The following TBC1D14 variants were observed in gnomAD, a reference collection of about 807,000 sequenced individuals.
TBC1D14 encodes TBC1 domain family member 14.
Under a neutral mutation model 79.0 loss-of-function variants are expected in TBC1D14, and 26 were observed. The ratio of observed to expected loss-of-function variants is 0.33; its 90% CI spans 0.24 to 0.46. The LOEUF is 0.46. Among genes scored for constraint, TBC1D14 ranks in the 20% least tolerant of loss-of-function variants. TBC1D14 has a pLI of 1.00. For synonymous variants in TBC1D14, 394 were observed against 349.9 expected, an observed-to-expected ratio of 1.13 and a Z score of -1.40; for missense variants, 769 against 887.6, an observed-to-expected ratio of 0.87 and a Z score of 1.70.
In TBC1D14 at chr4:7,030,719, A is replaced by T. The variant is rs752139072; in HGVS notation, c.*327A>T. ...ATTAAATTGTAATGTTTCTATGTCA[A>T]CTACTGGGAAGTATGTTACAGTCTT... On this transcript the variant is annotated 3_prime_UTR_variant, in exon 14 of 14. Transcript: ENST00000409757. The T allele has an allele frequency of 8.5e-6, 2 of 234,710 alleles. No individual in the cohort carries two copies. The highest frequency in any genetic ancestry group is 1.8e-5 in the Non-Finnish European group (2 of 113,438). 14.5% of individuals were successfully genotyped at this position (234,710 alleles called of 1,614,324 possible).
chr4:6,989,126 G>T (rs1332055432), intron 3 of TBC1D14, among the ~76,000 whole-genome samples: 1 of 151,898 alleles, frequency 6.6e-6, no homozygotes, highest in Non-Finnish European at 1.5e-5. Context: ...CTTTTCCCCC[G>T]CTTTTTAAAC....
intron 3 of TBC1D14, among the ~76,000 whole-genome samples, chr4:6,988,107 G>A (rs879907854): frequency 5.9e-5 from 9 of 152,172 alleles, no homozygotes; most frequent in Admixed American, 3.3e-4. Context: ...GACCTGTGCA[G>A]GCCATTCTTC....
intron 3 of TBC1D14, among the ~76,000 whole-genome samples, chr4:6,975,489 G>A (rs1308144232): frequency 5.9e-5 from 9 of 152,180 alleles, no homozygotes; most frequent in Non-Finnish European, 1.3e-4. Context: ...GGGATTACAG[G>A]TGTGAGCCAC....
chr4:6,983,284 A>T (rs899834662), intron 3 of TBC1D14, among the ~76,000 whole-genome samples: 1 of 151,978 alleles, frequency 6.6e-6, no homozygotes, highest in African/African-American at 2.4e-5. Context: ...TAAAATATAT[A>T]TATATATTTT....
intron 3 of TBC1D14, among the ~76,000 whole-genome samples, chr4:6,969,418 T>A (rs1716018649): frequency 6.6e-6 from 1 of 152,200 alleles, no homozygotes; most frequent in African/African-American, 2.4e-5. Context: ...TTTTTTTCTT[T>A]TTTTTGAGAC....
intron 1 of TBC1D14, among the ~76,000 whole-genome samples, chr4:6,918,771 A>G (rs1441436598): frequency 6.6e-6 from 1 of 152,170 alleles, no homozygotes; most frequent in South Asian, 2.1e-4. Flanking sequence ...AATTCTAATG[A>G]CCTTGACATT....
chr4:6,926,408 T>C (rs1010905397), intron 2 of TBC1D14, among the ~76,000 whole-genome samples: 2 of 152,234 alleles, frequency 1.3e-5, no homozygotes, highest in Non-Finnish European at 2.9e-5. Flanking sequence ...TCGTTGGTTA[T>C]GCAATTTCTA....
At chr4:6,955,381 C>T (rs371391426) in intron 2 of TBC1D14, among the ~76,000 whole-genome samples, 15 of 152,128 alleles carry the variant, frequency 9.9e-5, no homozygotes, top group African/African-American at 3.6e-4. Flanking sequence ...GTGTCCTGTC[C>T]GTACGGTGGC....
At chr4:6,920,189 C>T (rs1383721747) in intron 1 of TBC1D14, among the ~76,000 whole-genome samples, 2 of 152,140 alleles carry the variant, frequency 1.3e-5, no homozygotes, top group Non-Finnish European at 2.9e-5. Flanking sequence ...TTAATTCCTT[C>T]ACATTTCTAT....
At chr4:6,909,574 C>T (rs1485446125), upstream of TBC1D14, 1 of 151,722 alleles carries the variant, frequency 6.6e-6, no homozygotes, top group Non-Finnish European at 1.5e-5. Context: ...GGCAGCTCCT[C>T]GCCACTCCGG....
chr4:6,984,438 A>G (rs1717643245), intron 3 of TBC1D14, among the ~76,000 whole-genome samples: 1 of 152,094 alleles, frequency 6.6e-6, no homozygotes, highest in Admixed American at 6.5e-5. Flanking sequence ...AACAGACCCA[A>G]AAAACAACCT....
chr4:6,953,473 T>A (rs77412390), intron 2 of TBC1D14, among the ~76,000 whole-genome samples: 60 of 108,370 alleles, frequency 5.5e-4, no homozygotes, highest in African/African-American at 7.7e-4. Flanking sequence ...AAAAAAAAAA[T>A]ACAAAAAATT....
Position 6,996,414 on chromosome 4 carries a change from G to A in TBC1D14, c.1045+7G>A. ...GTTCAGGCCAAAAAGCGAGGTAATG[G>A]GGTTCACACTTGATGGGTTAAATCA... On this transcript the variant is annotated splice_region_variant and intron_variant, in intron 5 of 13. Coordinates refer to ENST00000409757, the MANE Select transcript of TBC1D14 (RefSeq NM_020773.3). The A allele has an allele frequency of 6.2e-7, 1 of 1,609,426 alleles. No individual in the cohort carries two copies. Among genetic ancestry groups the A allele is most frequent in the Non-Finnish European group, 8.5e-7 (1 of 1,175,974 alleles).
intron 12 of TBC1D14, among the ~76,000 whole-genome samples, chr4:7,022,051 A>G (rs1464987012): frequency 1.3e-5 from 2 of 152,274 alleles, no homozygotes. Context: ...GTGGTTTAAA[A>G]TAAAGCCCAC....
At position 6,916,815 on chromosome 4, in the gene TBC1D14, T is replaced by C. The variant is rs574223942; in HGVS notation, c.-17-6558T>C. On this transcript the variant is annotated intron_variant, in intron 1 of 13. Coordinates refer to ENST00000409757, the MANE Select transcript of TBC1D14 (RefSeq NM_020773.3). ...AGGTGATGACTCATCACCATTTGACTTGTGTTCAGTGCCTCCCGTGGCAGG... is the reference window on the plus strand; with the variant it reads ...AGGTGATGACTCATCACCATTTGACCTGTGTTCAGTGCCTCCCGTGGCAGG... Among the ~76,000 whole-genome samples the C allele has an allele frequency of 1.1e-4, 17 of 152,362 alleles. No individual in the cohort carries two copies. The East Asian group carries it at 3.3e-3, about 29-fold the overall frequency.
chr4:6,952,656 A>T (rs550803352), intron 2 of TBC1D14, among the ~76,000 whole-genome samples: 1 of 152,118 alleles, frequency 6.6e-6, no homozygotes, highest in African/African-American at 2.4e-5. Context: ...GGTGCCTTGC[A>T]TACATATAAA....
chr4:6,937,739 T>C (rs1462438555), intron 2 of TBC1D14, among the ~76,000 whole-genome samples: 3 of 152,114 alleles, frequency 2.0e-5, no homozygotes, highest in African/African-American at 7.2e-5. Context: ...GAGGCAGGGC[T>C]CAGGGACGTG....
At chr4:6,945,713 C>T (rs569409893) in intron 2 of TBC1D14, among the ~76,000 whole-genome samples, 11 of 138,196 alleles carry the variant, frequency 8.0e-5, no homozygotes, top group South Asian at 7.2e-4. Flanking sequence ...CGCGCCATTG[C>T]GCTCCAGCCT....
At chr4:6,947,380 C>A (rs1253333556) in intron 2 of TBC1D14, among the ~76,000 whole-genome samples, 1 of 152,076 alleles carries the variant, frequency 6.6e-6, no homozygotes, top group Non-Finnish European at 1.5e-5. Flanking sequence ...TGCCTGTAGT[C>A]CCAGCTACTT....
Sources: allele counts gnomAD v4.1 joint callset (sites outside exome capture counted in the v4.1 genomes callset), GRCh38; gene constraint gnomAD v4.1.1; transcripts MANE v1.5; gene names NCBI Gene and HGNC (gene_info 2026-07-23, HGNC 2026-07-21).